Variants in PLA2G4A observed in about 807,000 individuals in gnomAD.
PLA2G4A encodes the protein cytosolic phospholipase A2.
PLA2G4A carries 40 observed loss-of-function variants against 81.9 expected under a neutral mutation model. The observed-to-expected ratio is 0.49, with a 90% CI of 0.38 to 0.64. The LOEUF (loss-of-function observed/expected upper bound fraction) is 0.64. Ranked by LOEUF, PLA2G4A falls within the 30% of genes least tolerant of loss-of-function variation. The pLI is 0.00. For missense variants in PLA2G4A, 715 were observed against 905.1 expected (o/e 0.79, Z 2.69); for synonymous variants, 302 against 296.9 (o/e 1.02, Z -0.18).
At chr1:186,897,984 C>T (rs1201156293) in intron 5 of PLA2G4A, among the ~76,000 whole-genome samples, 1 of 152,104 alleles carries the variant, frequency 6.6e-6, no homozygotes, top group Non-Finnish European at 1.5e-5. Flanking sequence ...CTTTTGGAGT[C>T]TCCAGTGTCT....
At chr1:186,861,851 A>T (rs1033435913) in intron 2 of PLA2G4A, among the ~76,000 whole-genome samples, 1 of 152,082 alleles carries the variant, frequency 6.6e-6, no homozygotes, top group Non-Finnish European at 1.5e-5. Flanking sequence ...ACTGCTCAGT[A>T]ACATGAGATA....
At chr1:186,839,632 T>C (rs765880876) in intron 1 of PLA2G4A, among the ~76,000 whole-genome samples, 1 of 152,220 alleles carries the variant, frequency 6.6e-6, no homozygotes, top group Non-Finnish European at 1.5e-5. Flanking sequence ...ATAAATTTCA[T>C]TTTGAAGCAA....
intron 7 of PLA2G4A, among the ~76,000 whole-genome samples, chr1:186,916,582 T>A (rs536009608): frequency 6.6e-6 from 1 of 152,226 alleles, no homozygotes; most frequent in African/African-American, 2.4e-5. Context: ...TTCTGGCTAA[T>A]ACTTTACTTG....
chr1:186,912,354 T>G (rs775376256), intron 7 of PLA2G4A, among the ~76,000 whole-genome samples: 1 of 152,154 alleles, frequency 6.6e-6, no homozygotes, highest in African/African-American at 2.4e-5. Flanking sequence ...TCACTGTTGG[T>G]GGTCTACATT....
chr1:186,833,093 G>A (rs1033917888), intron 1 of PLA2G4A, among the ~76,000 whole-genome samples: 1 of 152,144 alleles, frequency 6.6e-6, no homozygotes, highest in African/African-American at 2.4e-5. Flanking sequence ...TTAGGACTAA[G>A]GGTGGCGTGA....
rs1246169827 is a variant in PLA2G4A at position 186,863,764 on chromosome 1, T to A, written c.34-6671T>A. On this transcript the variant is annotated intron_variant, in intron 2 of 17. Transcript: ENST00000367466. The stretch of plus-strand genomic sequence containing the variant: ...TGTTTTTCTGTGCAAATATATAATT[T>A]TTTTTTTTTTTTTGGGGACAGAGTC... Among the ~76,000 whole-genome samples, 80 of 144,558 alleles carry A rather than the reference T, an allele frequency of 5.5e-4. No homozygotes were observed. In the South Asian group the frequency reaches 8.4e-3, roughly 15 times the overall value. The allele number at this position is 144,558 out of a possible 152,430, so 94.8% of individuals were successfully genotyped here.
Position 186,956,146 on chromosome 1 carries a change from C to G in PLA2G4A, c.1381C>G (p.Gln461Glu). ...TGGAAGTGACTATCAAAGTGATAAT[C>G]AAGCAAGTTGGATTCATCGTATGAT... The part of the protein sequence containing the change: ...DAGSDYQSDN[Q>E]ASWIHRMIMA... Residue 461 changes from glutamine (Q) to glutamate (E), a missense_variant, in exon 14 of 18, where the codon CAA (glutamine) becomes GAA (glutamate). Physicochemically the swap from Gln to Glu is conservative, Grantham distance 29. Transcript: ENST00000367466. 2 of 1,613,182 alleles carry G rather than the reference C, an allele frequency of 1.2e-6. No homozygotes were observed. Among genetic ancestry groups the G allele is most frequent in the African/African-American group, 1.3e-5 (1 of 75,022 alleles).
chr1:186,977,530 T>C, intron 15 of PLA2G4A, 63 bp from the exon 16 acceptor site: 1 of 1,102,418 alleles, frequency 9.1e-7, no homozygotes, highest in Non-Finnish European at 1.4e-6. Flanking sequence ...TGAATTATGG[T>C]CAGACCAACT....
At chr1:186,961,903 G>C (rs1282805757) in intron 14 of PLA2G4A, among the ~76,000 whole-genome samples, 6 of 152,064 alleles carry the variant, frequency 3.9e-5, no homozygotes, top group Admixed American at 6.6e-5. Flanking sequence ...GTCAACCACA[G>C]TTTGAAAAAA....
At chr1:186,830,279 T>G (rs1651497211) in intron 1 of PLA2G4A, among the ~76,000 whole-genome samples, 1 of 152,186 alleles carries the variant, frequency 6.6e-6, no homozygotes, top group East Asian at 1.9e-4. Context: ...TTTTTTGAGA[T>G]AAGACATTGC....
intron 2 of PLA2G4A, among the ~76,000 whole-genome samples, chr1:186,860,973 C>G (rs890620786): frequency 2.0e-5 from 3 of 152,156 alleles, no homozygotes; most frequent in African/African-American, 7.2e-5. Context: ...GGGTTTATTT[C>G]TGTGCCTGTT....
At chr1:186,888,609 A>G (rs1654022292) in intron 3 of PLA2G4A, among the ~76,000 whole-genome samples, 1 of 152,196 alleles carries the variant, frequency 6.6e-6, no homozygotes, top group Admixed American at 6.6e-5. Flanking sequence ...TGCCTCTAAA[A>G]TTAGGCTATT....
chr1:186,938,869 T>G, intron 8 of PLA2G4A, 139 bp from the exon 9 acceptor site: 1 of 669,602 alleles, frequency 1.5e-6, no homozygotes, highest in Non-Finnish European at 2.7e-6. Context: ...TTTTCTTAAA[T>G]GTTTTAATAT....
At chr1:186,893,847 C>A (rs933536425) in intron 4 of PLA2G4A, among the ~76,000 whole-genome samples, 4 of 148,238 alleles carry the variant, frequency 2.7e-5, no homozygotes, top group African/African-American at 1.0e-4. Context: ...TCGCTTGAAT[C>A]TGGGAGGTGG....
rs537682675 is a variant in PLA2G4A at position 186,944,172 on chromosome 1, G to T, written c.1034-2465G>T. 3.9e-5 allele frequency among the ~76,000 whole-genome samples: 6 copies of T among 152,184 alleles called. No homozygotes were observed. In the South Asian group the frequency reaches 8.3e-4, roughly 21 times the overall value. The stretch of plus-strand genomic sequence containing the variant: ...AGTTCTTATCTAGGTAAGTATAGTG[G>T]GAGGAGATGACAGAATATCTGAGTG... On this transcript the variant is annotated intron_variant, in intron 10 of 17. Coordinates refer to ENST00000367466, the MANE Select transcript of PLA2G4A (RefSeq NM_024420.3).
At chr1:186,976,927 G>T (rs1211238196) in intron 15 of PLA2G4A, among the ~76,000 whole-genome samples, 1 of 152,128 alleles carries the variant, frequency 6.6e-6, no homozygotes, top group African/African-American at 2.4e-5. Flanking sequence ...ATTCTGGCGG[G>T]AATGTATAAC....
intron 10 of PLA2G4A, among the ~76,000 whole-genome samples, chr1:186,940,825 G>A (rs894135304): frequency 2.2e-4 from 34 of 152,294 alleles, no homozygotes; most frequent in African/African-American, 7.5e-4. Context: ...AGAGCCAACT[G>A]TATGTTTGCC....
rs371916308 is a variant in PLA2G4A, at chr1:186,965,500, G to A, written c.1671G>A (p.Pro557=). Reference sequence around the variant, plus strand: ...ACAGTGGGCTCACATTTAACCTGCCGTATCCCTTGATACTGAGACCTCAGA... The same window carrying A: ...ACAGTGGGCTCACATTTAACCTGCCATATCCCTTGATACTGAGACCTCAGA... ...VVDSGLTFNL[P]YPLILRPQRG... Residue 557 remains proline (P), a synonymous_variant, in exon 15 of 18, where the codon CCG becomes CCA. Coordinates refer to ENST00000367466, the MANE Select transcript of PLA2G4A (RefSeq NM_024420.3). 4.5e-5 allele frequency: 73 copies of A among 1,611,136 alleles called. No homozygotes were observed. Among genetic ancestry groups the A allele is most frequent in the Middle Eastern group, 3.3e-4 (2 of 6,082 alleles).
At position 186,946,773 on chromosome 1, in the gene PLA2G4A, G is replaced by A; in HGVS notation, c.1170G>A (p.Met390Ile). 1 of 1,609,512 alleles carries A rather than the reference G, an allele frequency of 6.2e-7. No individual in the cohort carries two copies. Among genetic ancestry groups the A allele is most frequent in the Non-Finnish European group, 8.5e-7 (1 of 1,176,192 alleles). Reference protein sequence around the residue: ...KYEENPLHFLMGVWGSAFSIL... With the variant: ...KYEENPLHFLIGVWGSAFSIL... ...AAGAAAACCCCTTGCATTTCTTAAT[G>A]GGTAAGTGATCAAAATAAAAATATA... The change falls in exon 11 of 18, where the codon ATG (methionine) becomes ATA (isoleucine). Residue 390 changes from methionine (M) to isoleucine (I), a missense_variant and splice_region_variant. Physicochemically the swap from Met to Ile is conservative, Grantham distance 10. Coordinates refer to ENST00000367466, the MANE Select transcript of PLA2G4A (RefSeq NM_024420.3).
Sources: allele counts gnomAD v4.1 joint callset (sites outside exome capture counted in the v4.1 genomes callset), GRCh38; gene constraint gnomAD v4.1.1; transcripts MANE v1.5; gene names NCBI Gene and HGNC (gene_info 2026-07-23, HGNC 2026-07-21).